The following SLCO1C1 variants were observed in gnomAD, a reference collection of about 807,000 sequenced individuals.
SLCO1C1 encodes OAT-RP-5.
Under a neutral mutation model 76.4 loss-of-function variants are expected in SLCO1C1, and 70 were observed. The observed-to-expected ratio is 0.92, with a 90% CI of 0.76 to 1.12. SLCO1C1 has a LOEUF of 1.12. SLCO1C1 is among the 50% of genes most tolerant of loss of function. The pLI is 0.00. For missense variants in SLCO1C1, 912 were observed against 823.8 expected (o/e 1.11, Z -1.31); for synonymous variants, 306 against 286.1 (o/e 1.07, Z -0.70).
intron 9 of SLCO1C1, among the ~76,000 whole-genome samples, chr12:20,727,078 A>T (rs1948045794): frequency 6.6e-6 from 1 of 152,228 alleles, no homozygotes; most frequent in East Asian, 1.9e-4. Context: ...TGTGGTGTAT[A>T]CGTACCACTT....
intron 11 of SLCO1C1, among the ~76,000 whole-genome samples, chr12:20,738,109 T>C (rs1948631962): frequency 6.6e-6 from 1 of 152,058 alleles, no homozygotes; most frequent in Admixed American, 6.6e-5. Context: ...ATCACATTCA[T>C]GAGGGCTACA....
chr12:20,726,358 A>T (rs537511361), intron 9 of SLCO1C1, among the ~76,000 whole-genome samples: 289 of 152,138 alleles, frequency 1.9e-3, no homozygotes, highest in Non-Finnish European at 3.4e-3. Flanking sequence ...AAGGCATTTG[A>T]CATACCATGG....
At chr12:20,708,496 T>TG (rs1295797144) in intron 4 of SLCO1C1, among the ~76,000 whole-genome samples, 8 of 151,640 alleles carry the variant, frequency 5.3e-5, no homozygotes, top group Admixed American at 6.6e-5. Flanking sequence ...GTATGTGTGG[T>TG]GGGTTGGGGG....
At chr12:20,700,432 G>T (rs1053485648) in intron 2 of SLCO1C1, among the ~76,000 whole-genome samples, 1 of 151,378 alleles carries the variant, frequency 6.6e-6, no homozygotes, top group Non-Finnish European at 1.5e-5. Flanking sequence ...TTTAGTGATA[G>T]AAGTTTCTTT....
At chr12:20,706,604 A>T (rs1361587113) in intron 4 of SLCO1C1, among the ~76,000 whole-genome samples, 1 of 152,138 alleles carries the variant, frequency 6.6e-6, no homozygotes, top group Non-Finnish European at 1.5e-5. Flanking sequence ...TAATACATGC[A>T]CATGACTTTA....
chr12:20,729,905 A>G (rs1274863908), intron 9 of SLCO1C1, among the ~76,000 whole-genome samples: 1 of 152,104 alleles, frequency 6.6e-6, no homozygotes, highest in African/African-American at 2.4e-5. Flanking sequence ...CACCAAAAAG[A>G]GGTAAATCAG....
chr12:20,707,258 T>C (rs750706514), intron 4 of SLCO1C1, among the ~76,000 whole-genome samples: 1 of 152,066 alleles, frequency 6.6e-6, no homozygotes, highest in African/African-American at 2.4e-5. Context: ...AAATGTTATG[T>C]ATGTTCAGCC....
intron 11 of SLCO1C1, among the ~76,000 whole-genome samples, chr12:20,739,387 TG>T (rs1263654037): frequency 8.0e-4 from 122 of 151,690 alleles, no homozygotes; most frequent in African/African-American, 2.8e-3. Flanking sequence ...AGATGGGAGT[TG>T]TTTTTTTTTG....
intron 13 of SLCO1C1, among the ~76,000 whole-genome samples, chr12:20,748,997 C>G (rs1361272540): frequency 6.6e-6 from 1 of 152,168 alleles, no homozygotes; most frequent in Non-Finnish European, 1.5e-5. Context: ...TGTCACCATT[C>G]TGTTTCCCAA....
intron 12 of SLCO1C1, among the ~76,000 whole-genome samples, chr12:20,740,689 G>C (rs1013510041): frequency 3.4e-5 from 5 of 148,096 alleles, no homozygotes; most frequent in African/African-American, 1.2e-4. Flanking sequence ...TAGGTAACAT[G>C]CATTTTAGAT....
At chr12:20,740,414 C>A in intron 12 of SLCO1C1, 46 bp downstream of exon 12, 1 of 1,530,360 alleles carries the variant, frequency 6.5e-7, no homozygotes, top group Non-Finnish European at 8.8e-7. Context: ...AAGACACAAT[C>A]ATCTCGAGCA....
rs766311895 is a variant in SLCO1C1, at chr12:20,717,238, A to T, written c.775+8A>T. 1.3e-6 allele frequency: 2 copies of T among 1,575,632 alleles called. No homozygotes were observed. Among genetic ancestry groups the T allele is most frequent in the African/African-American group, 2.8e-5 (2 of 72,048 alleles). On this transcript the variant is annotated splice_region_variant and intron_variant, in intron 7 of 14. Transcript: ENST00000266509. Reference sequence around the variant, plus strand: ...TTGGCTTTGTAAACCTAGGTAAGGAAGTTTATTTTTTATTTATTCATGTAT... The same window carrying T: ...TTGGCTTTGTAAACCTAGGTAAGGATGTTTATTTTTTATTTATTCATGTAT...
chr12:20,731,704 G>T (rs1338370993), intron 9 of SLCO1C1, among the ~76,000 whole-genome samples: 1 of 152,150 alleles, frequency 6.6e-6, no homozygotes, highest in African/African-American at 2.4e-5. Context: ...ACTTATTGTT[G>T]AGTGCCAGAT....
chr12:20,732,255 T>C (rs902593968), intron 9 of SLCO1C1, among the ~76,000 whole-genome samples: 12 of 152,222 alleles, frequency 7.9e-5, no homozygotes, highest in African/African-American at 2.9e-4. Context: ...TCAGTCTCTT[T>C]GCATTCAAAT....
intron 7 of SLCO1C1, among the ~76,000 whole-genome samples, chr12:20,719,549 G>A (rs2120737789): frequency 6.6e-6 from 1 of 152,282 alleles, no homozygotes; most frequent in Non-Finnish European, 1.5e-5. Context: ...TGATACTCCA[G>A]TAAACACATG....
intron 2 of SLCO1C1, 148 bp from the exon 3 acceptor site, chr12:20,701,170 A>G (rs911044965): frequency 1.4e-6 from 1 of 729,342 alleles, no homozygotes; most frequent in South Asian, 4.9e-5. Flanking sequence ...AACCTCGAAC[A>G]GTGTTTGAAT....
In SLCO1C1 at chr12:20,740,364, C is replaced by T; in HGVS notation, c.1729C>T (p.Leu577=). The change falls in exon 12 of 15, where the codon CTG becomes TTG. Residue 577 remains leucine (L), a synonymous_variant. Coordinates refer to ENST00000266509, the MANE Select transcript of SLCO1C1 (RefSeq NM_017435.5). The part of the protein sequence containing the change: ...LGGIPGYILL[L]RCIKPQLKSF... ...TGGCATACCTGGATACATATTACTT[C>T]TGAGGTGAGTACTGATTCTCCCTAT... The T allele has an allele frequency of 1.9e-6, 3 of 1,611,334 alleles. No individual in the cohort carries two copies. The highest frequency in any genetic ancestry group is 2.5e-6 in the Non-Finnish European group (3 of 1,178,514).
At chr12:20,698,243 T>C (rs886612635) in intron 1 of SLCO1C1, among the ~76,000 whole-genome samples, 9 of 151,936 alleles carry the variant, frequency 5.9e-5, no homozygotes, top group Admixed American at 1.3e-4. Context: ...GTTTTGCTTA[T>C]TTTTTGTTTT....
intron 8 of SLCO1C1, among the ~76,000 whole-genome samples, chr12:20,722,764 G>C (rs1474443875): frequency 1.3e-5 from 2 of 152,210 alleles, no homozygotes; most frequent in East Asian, 3.9e-4. Context: ...CTCCCAGCTA[G>C]ATGATGAGGG....
Sources: allele counts gnomAD v4.1 joint callset (sites outside exome capture counted in the v4.1 genomes callset), GRCh38; gene constraint gnomAD v4.1.1; transcripts MANE v1.5; gene names NCBI Gene and HGNC (gene_info 2026-07-23, HGNC 2026-07-21).